ERBB4: variants seen among roughly 807,000 people sequenced by gnomAD.
ERBB4 encodes erb-b2 receptor tyrosine kinase 4.
In ERBB4, 42 loss-of-function variants were observed where a neutral mutation model predicts 158.0. That is an observed-to-expected ratio of 0.27 (90% CI 0.21 to 0.34). The LOEUF is 0.34. Among genes scored for constraint, ERBB4 ranks in the 10% least tolerant of loss-of-function variants. The pLI, the probability that ERBB4 is intolerant of heterozygous loss-of-function variation, is 1.00. For synonymous variants in ERBB4, 583 were observed against 558.7 expected, an observed-to-expected ratio of 1.04 and a Z score of -0.61; for missense variants, 1,333 against 1,624.1, an observed-to-expected ratio of 0.82 and a Z score of 3.08.
At chr2:212,463,267 G>A (rs1474198360) in intron 1 of ERBB4, among the ~76,000 whole-genome samples, 1 of 152,008 alleles carries the variant, frequency 6.6e-6, no homozygotes, top group Non-Finnish European at 1.5e-5. Flanking sequence ...TTTTCCCAAC[G>A]CAAAGAAAGG....
intron 16 of ERBB4, among the ~76,000 whole-genome samples, chr2:211,644,718 CAGA>C (rs2070722735): frequency 6.6e-6 from 1 of 152,034 alleles, no homozygotes; most frequent in East Asian, 1.9e-4. Flanking sequence ...GGACATCCAG[CAGA>C]AGATCTTTTA....
chr2:212,180,291 G>T (rs911108498), intron 1 of ERBB4, among the ~76,000 whole-genome samples: 1 of 151,564 alleles, frequency 6.6e-6, no homozygotes, highest in African/African-American at 2.4e-5. Flanking sequence ...CTGTCAATTC[G>T]GGATAAGCAT....
At chr2:211,474,052 A>G (rs1384703220) in intron 20 of ERBB4, among the ~76,000 whole-genome samples, 1 of 151,996 alleles carries the variant, frequency 6.6e-6, no homozygotes, top group Admixed American at 6.6e-5. Context: ...TCTCTTGTAT[A>G]TAAATGGCCA....
chr2:212,110,162 AGTCAAAG>A (rs1467092516), intron 2 of ERBB4, among the ~76,000 whole-genome samples: 1 of 152,202 alleles, frequency 6.6e-6, no homozygotes, highest in Non-Finnish European at 1.5e-5. Context: ...TGACTAGAGG[AGTCAAAG>A]GTGTATAGGT....
chr2:211,792,909 G>A (rs1444893766), intron 3 of ERBB4, among the ~76,000 whole-genome samples: 1 of 151,746 alleles, frequency 6.6e-6, no homozygotes, highest in Non-Finnish European at 1.5e-5. Context: ...CAGTGAATTT[G>A]GGGATGAGTG....
At chr2:212,427,641 AT>A (rs2091942752) in intron 1 of ERBB4, among the ~76,000 whole-genome samples, 1 of 152,160 alleles carries the variant, frequency 6.6e-6, no homozygotes, top group Non-Finnish European at 1.5e-5. Context: ...CTACAAATAA[AT>A]TTTATTTTCT....
At chr2:211,392,903 C>T (rs1261932840) in intron 25 of ERBB4, among the ~76,000 whole-genome samples, 1 of 152,104 alleles carries the variant, frequency 6.6e-6, no homozygotes, top group African/African-American at 2.4e-5. Context: ...GATCCACCTG[C>T]CTCGGCCTCC....
chr2:212,293,217 G>A (rs1364068012), intron 1 of ERBB4, among the ~76,000 whole-genome samples: 1 of 151,892 alleles, frequency 6.6e-6, no homozygotes, highest in Non-Finnish European at 1.5e-5. Flanking sequence ...AACTTATGAT[G>A]TGGGAGCTGC....
At chr2:211,814,780 C>A (rs143401573) in intron 3 of ERBB4, among the ~76,000 whole-genome samples, 20 of 152,226 alleles carry the variant, frequency 1.3e-4, no homozygotes, top group Non-Finnish European at 2.1e-4. Context: ...ATAATAAAAT[C>A]AATCTGAAAG....
In ERBB4 at chr2:211,489,300, G is replaced by A. The variant is rs543737085; in HGVS notation, c.2488-58200C>T. 2.0e-5 allele frequency among the ~76,000 whole-genome samples: 3 copies of A among 152,132 alleles called. No homozygotes were observed. The South Asian group carries it at 6.2e-4, about 32-fold the overall frequency. On this transcript the variant is annotated intron_variant, in intron 20 of 27. Transcript: ENST00000342788. The stretch of plus-strand genomic sequence containing the variant: ...GATGACTATAAAGCAGTATAATGCA[G>A]TGGAAATGAGCTGAATTTTGGGAGC...
chr2:211,811,987 G>C (rs1274633460), intron 3 of ERBB4, among the ~76,000 whole-genome samples: 2 of 152,124 alleles, frequency 1.3e-5, no homozygotes, highest in Non-Finnish European at 2.9e-5. Context: ...CTTTAGCATG[G>C]AGAAGTTTGT....
At chr2:212,331,071 T>TATATATATATATATATATATATACAC (rs147932949) in intron 1 of ERBB4, among the ~76,000 whole-genome samples, 1 of 120,022 alleles carries the variant, frequency 8.3e-6, no homozygotes, top group African/African-American at 2.8e-5. Flanking sequence ...TATATATATA[T>TATATATATATATATATATATATACAC]ACACATATAT....
At chr2:211,530,075 T>C (rs980201087) in intron 20 of ERBB4, among the ~76,000 whole-genome samples, 6 of 152,076 alleles carry the variant, frequency 3.9e-5, no homozygotes, top group African/African-American at 1.4e-4. Context: ...TATTTGCAGA[T>C]ACAATCTCAT....
At chr2:212,037,170 G>A (rs978468282) in intron 2 of ERBB4, among the ~76,000 whole-genome samples, 3 of 151,504 alleles carry the variant, frequency 2.0e-5, no homozygotes, top group African/African-American at 7.3e-5. Context: ...TTTGTTTTTG[G>A]GTTTTGTCTG....
chr2:212,055,613 T>A (rs561915276), intron 2 of ERBB4, among the ~76,000 whole-genome samples: 2 of 152,346 alleles, frequency 1.3e-5, no homozygotes, highest in East Asian at 3.9e-4. Flanking sequence ...CAACGTTTGC[T>A]GTTCAGCAAT....
rs868218654 is a variant in ERBB4 at position 211,457,099 on chromosome 2, G to C, written c.2488-25999C>G. On this transcript the variant is annotated intron_variant, in intron 20 of 27. Coordinates refer to ENST00000342788, the MANE Select transcript of ERBB4 (RefSeq NM_005235.3). ...AAATATTTAATACTGAGCAACCTGA[G>C]ACTTAAGAGTTTAAGATTCTTAATT... 1.6e-4 allele frequency among the ~76,000 whole-genome samples: 24 copies of C among 152,048 alleles called. No individual in the cohort carries two copies. In the South Asian group the frequency reaches 2.3e-3, roughly 14 times the overall value.
intron 3 of ERBB4, among the ~76,000 whole-genome samples, chr2:211,860,165 G>C (rs574106777): frequency 1.3e-5 from 2 of 152,290 alleles, no homozygotes; most frequent in African/African-American, 4.8e-5. Flanking sequence ...TCTTAGAAGA[G>C]CTCTTTCATT....
intron 2 of ERBB4, among the ~76,000 whole-genome samples, chr2:212,059,129 C>T (rs934225762): frequency 6.6e-5 from 10 of 152,156 alleles, no homozygotes; most frequent in African/African-American, 2.4e-4. Context: ...AAATCACAGG[C>T]ATTCCTATAC....
intron 15 of ERBB4, among the ~76,000 whole-genome samples, chr2:211,664,037 A>C (rs2071527673): frequency 6.6e-6 from 1 of 152,170 alleles, no homozygotes; most frequent in Admixed American, 6.5e-5. Context: ...TATGTGAACC[A>C]ATGAATTGGC....
Sources: allele counts gnomAD v4.1 joint callset (sites outside exome capture counted in the v4.1 genomes callset), GRCh38; gene constraint gnomAD v4.1.1; transcripts MANE v1.5; gene names NCBI Gene and HGNC (gene_info 2026-07-23, HGNC 2026-07-21).